B3GALT1: variants seen among roughly 807,000 people sequenced by gnomAD.
The protein encoded by B3GALT1 is UDP-Gal:betaGlcNAc beta 1,3-galactosyltransferase, polypeptide 1.
Under a neutral mutation model 23.2 loss-of-function variants are expected in B3GALT1, and 10 were observed. That is an observed-to-expected ratio of 0.43 (90% CI 0.27 to 0.73). The LOEUF is 0.73. Ranked by LOEUF, B3GALT1 falls within the 30% of genes least tolerant of loss-of-function variation. The probability of loss-of-function intolerance (pLI) is 0.21; values close to 1 mark genes in which losing one functional copy is unlikely to be tolerated. For missense variants in B3GALT1, 299 were observed against 405.4 expected, an observed-to-expected ratio of 0.74 and a Z score of 2.25; for synonymous variants, 156 against 141.5, an observed-to-expected ratio of 1.10 and a Z score of -0.73.
At chr2:167,541,672 C>G (rs1683536171) in intron 2 of B3GALT1, among the ~76,000 whole-genome samples, 2 of 150,324 alleles carry the variant, frequency 1.3e-5, no homozygotes, top group Non-Finnish European at 2.9e-5. Flanking sequence ...TGAACATTTA[C>G]TGGGGGCCTA....
intron 4 of B3GALT1, among the ~76,000 whole-genome samples, chr2:167,837,472 G>T (rs1322083847): frequency 6.6e-6 from 1 of 151,710 alleles, no homozygotes; most frequent in Non-Finnish European, 1.5e-5. Flanking sequence ...CACAAGAAGA[G>T]CTAACTATCC....
chr2:167,500,067 C>T (rs1699830697), intron 2 of B3GALT1, among the ~76,000 whole-genome samples: 1 of 152,028 alleles, frequency 6.6e-6, no homozygotes, highest in South Asian at 2.1e-4. Context: ...AACATCATTT[C>T]ACCTTCTTGG....
intron 2 of B3GALT1, among the ~76,000 whole-genome samples, chr2:167,524,379 TGAAAA>T (rs1157199193): frequency 6.6e-6 from 1 of 152,204 alleles, no homozygotes; most frequent in African/African-American, 2.4e-5. Flanking sequence ...CTTTATAACA[TGAAAA>T]CACTGTCTCA....
intron 2 of B3GALT1, among the ~76,000 whole-genome samples, chr2:167,563,477 AG>A (rs1443717104): frequency 1.0e-5 from 1 of 97,398 alleles, no homozygotes; most frequent in Non-Finnish European, 2.0e-5. Flanking sequence ...ACTTCCCAGT[AG>A]GGGCGGCCGG....
chr2:167,387,460 C>T (rs924341749), intron 1 of B3GALT1, among the ~76,000 whole-genome samples: 2 of 152,252 alleles, frequency 1.3e-5, no homozygotes, highest in East Asian at 3.9e-4. Flanking sequence ...CTCTTTTATA[C>T]ATTCAACTGC....
At chr2:167,516,274 A>C (rs918479025) in intron 2 of B3GALT1, among the ~76,000 whole-genome samples, 3 of 152,094 alleles carry the variant, frequency 2.0e-5, no homozygotes, top group Non-Finnish European at 4.4e-5. Flanking sequence ...AGAACTTACC[A>C]ATGGCCCTGA....
At chr2:167,502,808 G>A (rs1465592793) in intron 2 of B3GALT1, among the ~76,000 whole-genome samples, 1 of 152,218 alleles carries the variant, frequency 6.6e-6, no homozygotes, top group African/African-American at 2.4e-5. Flanking sequence ...GGGAGGCCAA[G>A]GCAGGTGGAT....
intron 3 of B3GALT1, among the ~76,000 whole-genome samples, chr2:167,657,398 A>G (rs1685974456): frequency 6.6e-6 from 1 of 152,096 alleles, no homozygotes; most frequent in South Asian, 2.1e-4. Context: ...GTGCTGGGGA[A>G]GGGAAGCCTG....
chr2:167,388,627 G>C (rs1697964741), intron 1 of B3GALT1, among the ~76,000 whole-genome samples: 1 of 152,124 alleles, frequency 6.6e-6, no homozygotes, highest in Non-Finnish European at 1.5e-5. Context: ...ATTGACCCTT[G>C]GTAGCCAAGG....
intron 2 of B3GALT1, among the ~76,000 whole-genome samples, chr2:167,525,986 A>G (rs1024752982): frequency 1.3e-5 from 2 of 151,948 alleles, no homozygotes; most frequent in African/African-American, 4.8e-5. Flanking sequence ...TTCCTTGAGC[A>G]CTTCTTTATT....
At chr2:167,400,184 G>GTGTGTGTGTGTC (rs1553517162) in intron 1 of B3GALT1, among the ~76,000 whole-genome samples, 36 of 151,566 alleles carry the variant, frequency 2.4e-4, no homozygotes, top group Non-Finnish European at 4.6e-4. Context: ...GTGTGTGTGT[G>GTGTGTGTGTGTC]TGTGTGTGTC....
chr2:167,344,671 A>G (rs1293012599), intron 1 of B3GALT1, among the ~76,000 whole-genome samples: 1 of 152,210 alleles, frequency 6.6e-6, no homozygotes, highest in African/African-American at 2.4e-5. Context: ...TTCTTTATCT[A>G]TGTGAGCTCT....
intron 3 of B3GALT1, among the ~76,000 whole-genome samples, chr2:167,786,691 C>T (rs935266063): frequency 6.6e-6 from 1 of 152,134 alleles, no homozygotes; most frequent in Non-Finnish European, 1.5e-5. Flanking sequence ...TGGTAACTTC[C>T]CTTTTGATTG....
chr2:167,873,953 T>TTA lies in B3GALT1; in HGVS notation c.*3935_*3936dup, dbSNP rs1690395338. On this transcript the variant is annotated 3_prime_UTR_variant, in exon 5 of 5. Coordinates refer to ENST00000392690, the MANE Select transcript of B3GALT1 (RefSeq NM_020981.4). ...AAACTGTTGACTGAAAGCGCAATGC[T>TTA]TATGTACAGGCCCATCTGTCATGAG... The TTA allele has an allele frequency of 6.6e-6, 1 of 152,250 alleles. No homozygotes were observed. The highest frequency in any genetic ancestry group is 1.5e-5 in the Non-Finnish European group (1 of 68,040). 9.4% of individuals were successfully genotyped at this position (152,250 alleles called of 1,614,324 possible).
At chr2:167,599,175 A>G (rs1684831442) in intron 2 of B3GALT1, among the ~76,000 whole-genome samples, 1 of 152,210 alleles carries the variant, frequency 6.6e-6, no homozygotes, top group South Asian at 2.1e-4. Context: ...TGCTTTCAGT[A>G]GTGGCTGTTA....
intron 3 of B3GALT1, among the ~76,000 whole-genome samples, chr2:167,750,748 A>C (rs1341969159): frequency 3.3e-5 from 5 of 151,912 alleles, no homozygotes; most frequent in Non-Finnish European, 7.4e-5. Flanking sequence ...AAAAAAAAAA[A>C]AAAAAACTAA....
chr2:167,772,035 T>G (rs552109823), intron 3 of B3GALT1, among the ~76,000 whole-genome samples: 2 of 152,130 alleles, frequency 1.3e-5, no homozygotes, highest in Non-Finnish European at 2.9e-5. Context: ...TTTACTGAAC[T>G]AAGAGGATTT....
intron 1 of B3GALT1, among the ~76,000 whole-genome samples, chr2:167,421,981 A>G (rs1468728924): frequency 6.6e-6 from 1 of 151,968 alleles, no homozygotes; most frequent in Non-Finnish European, 1.5e-5. Flanking sequence ...CAGGTTTTGA[A>G]TTTCTAACTC....
intron 3 of B3GALT1, among the ~76,000 whole-genome samples, chr2:167,685,169 A>G (rs1686597994): frequency 6.6e-6 from 1 of 152,234 alleles, no homozygotes; most frequent in Non-Finnish European, 1.5e-5. Flanking sequence ...CCTCCCTTTA[A>G]AATAACCTGA....
Sources: allele counts gnomAD v4.1 joint callset (sites outside exome capture counted in the v4.1 genomes callset), GRCh38; gene constraint gnomAD v4.1.1; transcripts MANE v1.5; gene names NCBI Gene and HGNC (gene_info 2026-07-23, HGNC 2026-07-21).